ANKS1A: variants seen among roughly 807,000 people sequenced by gnomAD.
ANKS1A encodes the protein ankyrin repeat and sterile alpha motif domain containing 1A, also known as ankyrin repeat and SAM domain-containing protein 1A.
In ANKS1A, 55 loss-of-function variants were observed where a neutral mutation model predicts 120.3. The observed-to-expected ratio is 0.46, with a 90% CI of 0.37 to 0.57. The LOEUF is 0.57. ANKS1A is among the 20% of genes least tolerant of loss of function. The pLI, the probability that ANKS1A is intolerant of heterozygous loss-of-function variation, is 0.00. For synonymous variants in ANKS1A, 590 were observed against 604.7 expected, an observed-to-expected ratio of 0.98 and a Z score of 0.36; for missense variants, 1,123 against 1,480.3, an observed-to-expected ratio of 0.76 and a Z score of 3.96.
intron 1 of ANKS1A, among the ~76,000 whole-genome samples, chr6:34,896,912 C>T (rs932857201): frequency 6.6e-6 from 1 of 151,894 alleles, no homozygotes; most frequent in Admixed American, 6.6e-5. Flanking sequence ...TGTAGTGAGC[C>T]AAGATCGTGC....
downstream of ANKS1A, among the ~76,000 whole-genome samples, chr6:35,093,456 C>T (rs534197840): frequency 2.1e-4 from 32 of 151,956 alleles, no homozygotes; most frequent in Non-Finnish European, 2.9e-4. Context: ...CCTTTCCAAA[C>T]GTTATAAAAC....
intron 1 of ANKS1A, among the ~76,000 whole-genome samples, chr6:34,914,525 T>C (rs1170242808): frequency 3.3e-5 from 5 of 152,208 alleles, no homozygotes; most frequent in African/African-American, 1.2e-4. Flanking sequence ...GTGAGTAAGA[T>C]ATTTCTAAGG....
chr6:35,082,187 C>T lies in ANKS1A; in HGVS notation c.2710-504C>T, dbSNP rs767279750. Among the ~76,000 whole-genome samples the T allele has an allele frequency of 2.6e-5, 4 of 152,204 alleles. No homozygotes were observed. The highest frequency in any genetic ancestry group is 2.1e-4 in the South Asian group (1 of 4,824). On this transcript the variant is annotated intron_variant, in intron 17 of 23. Transcript: ENST00000360359. The surrounding 1 kb of genome is among the most constrained non-coding windows in gnomAD (Gnocchi z 4.1). ...TCTCACCTGGACCGCAGTGGCCTCC[C>T]CCACCCCCTAGCTGCTGCCAGAAGG... is the stretch of plus-strand genomic sequence containing the variant.
intron 23 of ANKS1A, 141 bp downstream of exon 23, chr6:35,087,190 C>T: frequency 1.2e-6 from 1 of 828,320 alleles, no homozygotes; most frequent in South Asian, 1.5e-5. Flanking sequence ...CTGGGACCTG[C>T]TCCTCTTGGG....
chr6:35,028,042 A>G (rs563895604), intron 11 of ANKS1A, among the ~76,000 whole-genome samples: 2 of 152,200 alleles, frequency 1.3e-5, no homozygotes, highest in African/African-American at 2.4e-5. Flanking sequence ...ACAAATGACA[A>G]TTTATCTGGC....
chr6:35,061,969 A>C (rs1318670420), intron 13 of ANKS1A, among the ~76,000 whole-genome samples: 1 of 152,192 alleles, frequency 6.6e-6, no homozygotes, highest in Non-Finnish European at 1.5e-5. Flanking sequence ...AAGATGCTAG[A>C]GGCTGAGCTG....
intron 11 of ANKS1A, among the ~76,000 whole-genome samples, chr6:35,053,774 C>T (rs1272618656): frequency 6.6e-6 from 1 of 152,256 alleles, no homozygotes; most frequent in African/African-American, 2.4e-5. Flanking sequence ...GCAGCCTCTC[C>T]CCAGTCTCTG....
intron 13 of ANKS1A, among the ~76,000 whole-genome samples, chr6:35,062,827 G>T (rs1776581574): frequency 6.6e-6 from 1 of 152,156 alleles, no homozygotes; most frequent in African/African-American, 2.4e-5. Flanking sequence ...TTGTAAGGAG[G>T]TTACCCATTC....
At chr6:35,012,250 G>C (rs1297770823) in intron 10 of ANKS1A, among the ~76,000 whole-genome samples, 1 of 152,178 alleles carries the variant, frequency 6.6e-6, no homozygotes, top group Non-Finnish European at 1.5e-5. Context: ...TTGAATCCCT[G>C]TCTAGCTCTT....
chr6:34,919,853 C>T (rs1768345627), intron 1 of ANKS1A, among the ~76,000 whole-genome samples: 1 of 152,092 alleles, frequency 6.6e-6, no homozygotes, highest in Admixed American at 6.6e-5. Context: ...GTGTCACATC[C>T]TGCAGGAAGT....
chr6:34,985,025 G>T, intron 7 of ANKS1A, 57 bp from the exon 8 acceptor site: 4 of 1,544,144 alleles, frequency 2.6e-6, no homozygotes, highest in Non-Finnish European at 3.5e-6. Flanking sequence ...TGCAGTGGTT[G>T]GAACCTGAGA....
intron 1 of ANKS1A, among the ~76,000 whole-genome samples, chr6:34,954,934 T>TA (rs1770279994): frequency 2.0e-5 from 3 of 151,434 alleles, no homozygotes; most frequent in Non-Finnish European, 4.4e-5. Context: ...TTAGCCTTCT[T>TA]ACACTCTCTG....
chr6:35,077,831 A>C (rs1777448277), intron 13 of ANKS1A, among the ~76,000 whole-genome samples: 1 of 152,148 alleles, frequency 6.6e-6, no homozygotes, highest in African/African-American at 2.4e-5. Context: ...GCAGGTTGTG[A>C]GCATGAAGTG....
In ANKS1A at chr6:34,991,539, TATACAC is replaced by T. The variant is rs1472864244; in HGVS notation, c.1302+2225_1302+2230del. On this transcript the variant is annotated intron_variant, in intron 9 of 23. Transcript: ENST00000360359. ...CCACATAGCCGGGAAAAAAAAAATA[TATACAC>T]ACACACACACACACACACACACACA... Among the ~76,000 whole-genome samples the T allele has an allele frequency of 1.2e-4, 10 of 85,114 alleles. No individual in the cohort carries two copies. In the East Asian group the frequency reaches 1.2e-3, roughly 10 times the overall value. The allele number at this position is 85,114 out of a possible 152,430, so 55.8% of individuals were successfully genotyped here. A position where few individuals can be genotyped will look rare whatever the true frequency, so the allele number is the denominator to read the frequency against.
chr6:35,001,046 T>G (rs1773140192), intron 10 of ANKS1A, among the ~76,000 whole-genome samples: 1 of 152,222 alleles, frequency 6.6e-6, no homozygotes, highest in Admixed American at 6.5e-5. Context: ...CTATAAAAAC[T>G]TACCTTATGG....
In ANKS1A at chr6:35,090,370, G is replaced by A; in HGVS notation, c.*1761G>A. 1 of 1,250,878 alleles carries A rather than the reference G, an allele frequency of 8.0e-7. No individual in the cohort carries two copies. The highest frequency in any genetic ancestry group is 1.0e-6 in the Non-Finnish European group (1 of 968,312). 77.5% of individuals were successfully genotyped at this position (1,250,878 alleles called of 1,614,324 possible). A position where few individuals can be genotyped will look rare whatever the true frequency, so the allele number is the denominator to read the frequency against. On this transcript the variant is annotated 3_prime_UTR_variant, in exon 24 of 24. Coordinates refer to ENST00000360359, the MANE Select transcript of ANKS1A (RefSeq NM_015245.3). ...CTGGTGCCCGTCTTCCTCCTAAGGG[G>A]CCAGGCCACATCCAAGTGGGCCTCT... is the stretch of plus-strand genomic sequence containing the variant.
intron 3 of ANKS1A, among the ~76,000 whole-genome samples, chr6:34,974,113 C>A: frequency 1.2e-4 from 1 of 8,660 alleles, no homozygotes; most frequent in Non-Finnish European, 1.9e-4. Flanking sequence ...CTTCCCCTTC[C>A]CTTCCCCTTC....
intron 1 of ANKS1A, among the ~76,000 whole-genome samples, chr6:34,935,838 G>A (rs1769221183): frequency 6.6e-6 from 1 of 151,750 alleles, no homozygotes; most frequent in Non-Finnish European, 1.5e-5. Context: ...CGAGGCGGGC[G>A]GATCACGAGG....
At chr6:34,986,477 C>T (rs998896715) in intron 8 of ANKS1A, among the ~76,000 whole-genome samples, 2 of 152,190 alleles carry the variant, frequency 1.3e-5, no homozygotes, top group African/African-American at 4.8e-5. Context: ...GTGCTAACCC[C>T]ATCTGGAGAC....
Sources: gnomAD v4.1 joint callset for allele counts (sites outside exome capture counted in the v4.1 genomes callset) on GRCh38, gnomAD v4.1.1 for gene constraint, Gnocchi (gnomAD v3.1) non-coding constraint, MANE v1.5 for transcripts, NCBI Gene and HGNC (gene_info 2026-07-23, HGNC 2026-07-21) for gene names.